Variants in EML4 observed in about 807,000 individuals in gnomAD.
EML4 encodes the protein EMAP like 4.
A neutral mutation model predicts 129.0 loss-of-function variants in EML4; 72 were observed. The ratio of observed to expected loss-of-function variants is 0.56; its 90% confidence interval spans 0.46 to 0.68. EML4 has a LOEUF of 0.68. Ranked by LOEUF, EML4 falls within the 30% of genes least tolerant of loss-of-function variation. The probability of loss-of-function intolerance (pLI) is 0.00; values close to 1 mark genes in which losing one functional copy is unlikely to be tolerated. For synonymous variants in EML4, 532 were observed against 405.0 expected (o/e 1.31, Z -3.77); for missense variants, 1,363 against 1,190.6 (o/e 1.14, Z -2.13).
At chr2:42,275,240 G>T (rs950515748) in intron 6 of EML4, among the ~76,000 whole-genome samples, 18 of 152,124 alleles carry the variant, frequency 1.2e-4, no homozygotes, top group Admixed American at 1.0e-3. Context: ...AATTATTAGT[G>T]AGATATTTTA....
At chr2:42,175,338 C>T (rs1209995950) in intron 1 of EML4, among the ~76,000 whole-genome samples, 7 of 150,842 alleles carry the variant, frequency 4.6e-5, no homozygotes, top group African/African-American at 2.4e-5. Context: ...TGGTTGTGAT[C>T]GCCTGACCTT....
intron 14 of EML4, among the ~76,000 whole-genome samples, chr2:42,302,829 C>T (rs935065518): frequency 6.6e-6 from 1 of 152,128 alleles, no homozygotes; most frequent in Non-Finnish European, 1.5e-5. Flanking sequence ...CCACCATGCC[C>T]AGCCTTTTTT....
In EML4 at chr2:42,316,130, G is replaced by A. The variant is rs1181705776; in HGVS notation, c.2056+80G>A. 8 of 939,332 alleles carry A rather than the reference G, an allele frequency of 8.5e-6. No homozygotes were observed. In the South Asian group the frequency reaches 8.8e-5, roughly 10 times the overall value. 58.2% of individuals were successfully genotyped at this position (939,332 alleles called of 1,614,324 possible). On this transcript the variant is annotated intron_variant, in intron 18 of 22. Transcript: ENST00000318522. The stretch of plus-strand genomic sequence containing the variant: ...ATTGCATAGTTTTACTTCTAATAAG[G>A]CTGACTACTTTTTTCTCTCTTTAGA...
chr2:42,246,697 C>T (rs920998729), intron 2 of EML4, among the ~76,000 whole-genome samples: 1 of 152,124 alleles, frequency 6.6e-6, no homozygotes, highest in Non-Finnish European at 1.5e-5. Flanking sequence ...GAATGTTCCT[C>T]TTATGGATGA....
Position 42,289,522 on chromosome 2 carries a change from C to G in EML4, c.1218+1200C>G, listed in dbSNP as rs1424556593. On this transcript the variant is annotated intron_variant, in intron 11 of 22. Coordinates refer to ENST00000318522, the MANE Select transcript of EML4 (RefSeq NM_019063.5). ...CTAGACATCTTTATTTGAATGTCCT[C>G]TACCACAAATGAAAATCACCATGTT... 4 of 152,262 alleles carry G rather than the reference C, an allele frequency of 2.6e-5. No individual in the cohort carries two copies. The South Asian group carries it at 6.2e-4, about 24-fold the overall frequency. 9.4% of individuals were successfully genotyped at this position (152,262 alleles called of 1,614,324 possible). A position where few individuals can be genotyped will look rare whatever the true frequency, so the allele number is the denominator to read the frequency against.
At chr2:42,277,671 C>A (rs1188975531) in intron 6 of EML4, among the ~76,000 whole-genome samples, 3 of 151,288 alleles carry the variant, frequency 2.0e-5, no homozygotes, top group Admixed American at 6.6e-5. Context: ...CAGGTTCAAG[C>A]AATTCTCCTG....
chr2:42,294,902 G>A (rs6544536), intron 11 of EML4, among the ~76,000 whole-genome samples: 34,409 of 151,928 alleles, frequency 0.23, 5,397 homozygotes, highest in African/African-American at 0.45. Context: ...CTAATGCAGC[G>A]TTTTTATAAA....
At chr2:42,274,185 G>A (rs1666528449) in intron 6 of EML4, among the ~76,000 whole-genome samples, 1 of 152,174 alleles carries the variant, frequency 6.6e-6, no homozygotes, top group South Asian at 2.1e-4. Flanking sequence ...AAATTAAGTA[G>A]CATCATACTC....
chr2:42,200,273 C>T (rs1166829241), intron 1 of EML4, among the ~76,000 whole-genome samples: 1 of 151,938 alleles, frequency 6.6e-6, no homozygotes, highest in Non-Finnish European at 1.5e-5. Context: ...TGCAGTGAGC[C>T]GAGATTGGGC....
At chr2:42,307,224 T>C (rs776442333) in intron 17 of EML4, among the ~76,000 whole-genome samples, 1 of 152,236 alleles carries the variant, frequency 6.6e-6, no homozygotes, top group African/African-American at 2.4e-5. Context: ...GAAATTACTT[T>C]CCAGCATTTA....
intron 1 of EML4, among the ~76,000 whole-genome samples, chr2:42,175,919 C>T (rs1300202277): frequency 1.3e-5 from 2 of 151,886 alleles, no homozygotes; most frequent in South Asian, 2.1e-4. Flanking sequence ...TAGTCTTTTC[C>T]TATGCTTAGT....
At chr2:42,191,297 C>G (rs535518569) in intron 1 of EML4, among the ~76,000 whole-genome samples, 2 of 152,198 alleles carry the variant, frequency 1.3e-5, no homozygotes, top group African/African-American at 4.8e-5. Context: ...TTCCATTTCT[C>G]TCTATATGTT....
At chr2:42,285,225 A>T (rs1457043287) in intron 9 of EML4, among the ~76,000 whole-genome samples, 1 of 152,096 alleles carries the variant, frequency 6.6e-6, no homozygotes, top group Non-Finnish European at 1.5e-5. Context: ...TCTTGATTTT[A>T]TGTGTGACTA....
intron 1 of EML4, among the ~76,000 whole-genome samples, chr2:42,180,428 C>A (rs2103835416): frequency 6.6e-6 from 1 of 152,216 alleles, no homozygotes; most frequent in East Asian, 1.9e-4. Flanking sequence ...GGTGATCTTG[C>A]CACTCTGGAC....
intron 17 of EML4, among the ~76,000 whole-genome samples, chr2:42,304,755 A>G (rs1572725240): frequency 6.6e-6 from 1 of 152,218 alleles, no homozygotes; most frequent in Non-Finnish European, 1.5e-5. Context: ...TATTGTGTGT[A>G]TTCAGAATAC....
intron 1 of EML4, among the ~76,000 whole-genome samples, chr2:42,204,468 G>C (rs1672420515): frequency 6.6e-6 from 1 of 152,144 alleles, no homozygotes; most frequent in Non-Finnish European, 1.5e-5. Context: ...ATTCCTCTCT[G>C]CTGTTTTTGT....
chr2:42,309,819 T>G (rs971173435), intron 17 of EML4, among the ~76,000 whole-genome samples: 4 of 152,248 alleles, frequency 2.6e-5, no homozygotes, highest in Non-Finnish European at 5.9e-5. Context: ...TTCCTCATTC[T>G]GAGGGTGGTC....
chr2:42,283,163 G>C (rs940307070), intron 8 of EML4, among the ~76,000 whole-genome samples, 191 bp downstream of exon 8: 1 of 152,184 alleles, frequency 6.6e-6, no homozygotes, highest in Non-Finnish European at 1.5e-5. Context: ...TGTGGTATCA[G>C]CAGCAACAAA....
intron 1 of EML4, among the ~76,000 whole-genome samples, chr2:42,173,992 ATT>A (rs1670427555): frequency 6.6e-6 from 1 of 152,200 alleles, no homozygotes; most frequent in Non-Finnish European, 1.5e-5. Flanking sequence ...ACATTTGTTG[ATT>A]GCTAGATTTA....
Sources: allele counts gnomAD v4.1 joint callset (sites outside exome capture counted in the v4.1 genomes callset), GRCh38; gene constraint gnomAD v4.1.1; transcripts MANE v1.5; gene names NCBI Gene and HGNC (gene_info 2026-07-23, HGNC 2026-07-21).